Variants in CLEC17A observed in about 807,000 individuals in gnomAD.
CLEC17A encodes C-type lectin domain family 17, member A.
CLEC17A carries 37 observed loss-of-function variants against 61.3 expected under a neutral mutation model. The observed-to-expected ratio is 0.60, with a 90% CI of 0.46 to 0.79. CLEC17A has a LOEUF of 0.79. Ranked by LOEUF, CLEC17A falls within the 30% of genes least tolerant of loss-of-function variation. CLEC17A has a pLI of 0.00. For synonymous variants in CLEC17A, 168 were observed against 164.9 expected, an observed-to-expected ratio of 1.02 and a Z score of -0.14; for missense variants, 418 against 464.7, an observed-to-expected ratio of 0.90 and a Z score of 0.92.
Position 14,601,065 on chromosome 19 carries a change from G to A in CLEC17A, c.894+883G>A, listed in dbSNP as rs193269422. On this transcript the variant is annotated intron_variant, in intron 12 of 13. Transcript: ENST00000417570. ...TTGCAGGCATGTGCCACCACGCCTGGCTAACTTTTGTATTATTAGTAGAGA... is the reference window on the plus strand; with the variant it reads ...TTGCAGGCATGTGCCACCACGCCTGACTAACTTTTGTATTATTAGTAGAGA... 4.9e-3 allele frequency among the ~76,000 whole-genome samples: 741 copies of A among 151,928 alleles called. 1 individual carries two copies. Among genetic ancestry groups the A allele is most frequent in the Non-Finnish European group, 7.6e-3 (518 of 67,954 alleles).
chr19:14,598,480 C>A (rs773647358), intron 10 of CLEC17A, among the ~76,000 whole-genome samples: 19 of 149,266 alleles, frequency 1.3e-4, no homozygotes, highest in Non-Finnish European at 1.5e-5. Flanking sequence ...TTCTCTCTTG[C>A]TTTCTTTCTT....
intron 12 of CLEC17A, 69 bp downstream of exon 12, chr19:14,600,251 T>A: frequency 9.8e-6 from 15 of 1,534,376 alleles, no homozygotes; most frequent in Non-Finnish European, 1.2e-5. Flanking sequence ...GATGCACACA[T>A]CCCTCCCTTC....
intron 12 of CLEC17A, among the ~76,000 whole-genome samples, chr19:14,603,548 C>T (rs2074776445): frequency 6.6e-6 from 1 of 152,112 alleles, no homozygotes. Flanking sequence ...CAGCCTCCAT[C>T]TCCCAGGTTC....
chr19:14,610,447 T>C lies in CLEC17A; in HGVS notation c.*251T>C, dbSNP rs11085900. 0.25 allele frequency: 130,083 copies of C among 510,290 alleles called. 19,447 individuals carry two copies. The highest frequency in any genetic ancestry group is 0.47 in the East Asian group (13,503 of 28,938). 31.6% of individuals were successfully genotyped at this position (510,290 alleles called of 1,614,324 possible). Reference sequence around the variant, plus strand: ...GCTTGGTGGTGGGAGGTCTCCCACTTCTGGGGTTGAAAGGATCTTCACTAA... The same window carrying C: ...GCTTGGTGGTGGGAGGTCTCCCACTCCTGGGGTTGAAAGGATCTTCACTAA... On this transcript the variant is annotated 3_prime_UTR_variant, in exon 14 of 14. Coordinates refer to ENST00000417570, the MANE Select transcript of CLEC17A (RefSeq NM_001204118.2).
intron 12 of CLEC17A, 124 bp downstream of exon 12, chr19:14,600,306 T>C: frequency 8.6e-7 from 1 of 1,168,594 alleles, no homozygotes; most frequent in South Asian, 1.5e-5. Context: ...TACTAAAACT[T>C]TAACAGCAAG....
intron 12 of CLEC17A, among the ~76,000 whole-genome samples, chr19:14,602,918 A>G (rs1428177619): frequency 6.6e-6 from 1 of 152,020 alleles, no homozygotes; most frequent in African/African-American, 2.4e-5. Context: ...TACTTTTGGT[A>G]GAGATGGGGT....
chr19:14,605,788 G>A (rs1238311163), intron 12 of CLEC17A, among the ~76,000 whole-genome samples: 1 of 152,106 alleles, frequency 6.6e-6, no homozygotes, highest in Non-Finnish European at 1.5e-5. Flanking sequence ...GCCCAGGCTG[G>A]AGTGCAGTGG....
At chr19:14,597,785 G>A (rs534736790) in intron 10 of CLEC17A, among the ~76,000 whole-genome samples, 56 of 151,554 alleles carry the variant, frequency 3.7e-4, no homozygotes, top group African/African-American at 1.4e-3. Flanking sequence ...TTTTTTTTTT[G>A]TATAGAAGAG....
At chr19:14,583,580 C>T (rs369870622) in intron 2 of CLEC17A, 146 bp downstream of exon 2, 9 of 1,505,664 alleles carry the variant, frequency 6.0e-6, no homozygotes, top group African/African-American at 4.2e-5. Flanking sequence ...CTGCCCAGGA[C>T]GACCTGTCAG....
At chr19:14,604,459 A>G (rs980460941) in intron 12 of CLEC17A, among the ~76,000 whole-genome samples, 6 of 152,140 alleles carry the variant, frequency 3.9e-5, no homozygotes, top group Non-Finnish European at 8.8e-5. Flanking sequence ...AAAAATTTCA[A>G]TCACCTTAAG....
intron 3 of CLEC17A, among the ~76,000 whole-genome samples, chr19:14,591,441 A>G (rs1599540531): frequency 6.9e-6 from 1 of 145,256 alleles, no homozygotes; most frequent in Admixed American, 6.9e-5. Context: ...GGCGTGAGCC[A>G]CCGCGCCTGG....
At chr19:14,599,330 C>A (rs774604426) in intron 10 of CLEC17A, among the ~76,000 whole-genome samples, 2 of 151,988 alleles carry the variant, frequency 1.3e-5, no homozygotes, top group Non-Finnish European at 2.9e-5. Context: ...TCAGATGATC[C>A]GCCCACCTCG....
At position 14,596,943 on chromosome 19, in the gene CLEC17A, G is replaced by A. The variant is rs565596583; in HGVS notation, c.513G>A (p.Val171=). Residue 171 remains valine (V), a synonymous_variant, in exon 9 of 14, where the codon GTG becomes GTA. Transcript: ENST00000417570. ...GPGCCQKRWM[V]YLCLLVVTSL... ...GCTGCTGCCAGAAGAGGTGGATGGT[G>A]TACCTGTGTCTGCTGGTGGTGACTT... 9 of 1,608,450 alleles carry A rather than the reference G, an allele frequency of 5.6e-6. No homozygotes were observed. Among genetic ancestry groups the A allele is most frequent in the South Asian group, 5.6e-5 (5 of 89,690 alleles).
Position 14,607,049 on chromosome 19 carries a change from C to A in CLEC17A, c.951C>A (p.Asp317Glu). Residue 317 changes from aspartate to glutamate, a missense_variant, in exon 13 of 14, where the codon GAC becomes GAA. Asp to Glu is a conservative substitution (Grantham distance 45). Coordinates refer to ENST00000417570, the MANE Select transcript of CLEC17A (RefSeq NM_001204118.2). The stretch of plus-strand genomic sequence containing the variant: ...GGGTGTACTGGCTGGGGCTGAATGA[C>A]AGGGCCCAGGAAGGGGACTGGAGGT... ...SPRVYWLGLN[D>E]RAQEGDWRWL... 7.4e-7 allele frequency: 1 copy of A among 1,353,364 alleles called. No homozygotes were observed. Among genetic ancestry groups the A allele is most frequent in the East Asian group, 2.9e-5 (1 of 34,874 alleles). The allele number at this position is 1,353,364 out of a possible 1,614,324, so 83.8% of individuals were successfully genotyped here. A position where few individuals can be genotyped will look rare whatever the true frequency, so the allele number is the denominator to read the frequency against.
rs1196556298 is a variant in CLEC17A at position 14,607,422 on chromosome 19, C to G, written c.1004+320C>G. On this transcript the variant is annotated intron_variant, in intron 13 of 13. Coordinates refer to ENST00000417570, the MANE Select transcript of CLEC17A (RefSeq NM_001204118.2). Reference sequence around the variant, plus strand: ...GTTTCACCGTGTTAGCCAGGATGGTCTTGATCTCCTGACCTCGTGATCTGC... The same window carrying G: ...GTTTCACCGTGTTAGCCAGGATGGTGTTGATCTCCTGACCTCGTGATCTGC... Among the ~76,000 whole-genome samples the G allele has an allele frequency of 5.3e-5, 8 of 151,788 alleles. No homozygotes were observed. In the East Asian group the frequency reaches 1.2e-3, roughly 22 times the overall value.
upstream of CLEC17A, chr19:14,583,001 A>G: frequency 1.5e-6 from 1 of 653,182 alleles, no homozygotes; most frequent in Non-Finnish European, 2.7e-6. Flanking sequence ...TTGTGTGAGC[A>G]CGTGTGAGGT....
chr19:14,606,086 C>G (rs1284931857), intron 12 of CLEC17A, among the ~76,000 whole-genome samples: 5 of 152,088 alleles, frequency 3.3e-5, no homozygotes, highest in Non-Finnish European at 5.9e-5. Context: ...CATCTTCCTT[C>G]CTTCTTTTCC....
chr19:14,594,699 G>A lies in CLEC17A; in HGVS notation c.361+17G>A, dbSNP rs376153824. 66 of 1,613,926 alleles carry A rather than the reference G, an allele frequency of 4.1e-5. No individual in the cohort carries two copies. In the African/African-American group the frequency reaches 7.7e-4, roughly 19 times the overall value. ...ACATGACAGGTGAGAGCTGACAGTT[G>A]GAGTCTTCCTGCTCACCTGGCTGAA... On this transcript the variant is annotated intron_variant, in intron 6 of 13. Transcript: ENST00000417570.
intron 12 of CLEC17A, among the ~76,000 whole-genome samples, chr19:14,605,119 G>A (rs896627312): frequency 4.7e-5 from 7 of 150,190 alleles, no homozygotes; most frequent in African/African-American, 1.7e-4. Context: ...TTTTTGAGAC[G>A]GGATTTCGCT....
Sources: gnomAD v4.1 joint callset for allele counts (sites outside exome capture counted in the v4.1 genomes callset) on GRCh38, gnomAD v4.1.1 for gene constraint, MANE v1.5 for transcripts, NCBI Gene and HGNC (gene_info 2026-07-23, HGNC 2026-07-21) for gene names.